Variants in CCNH observed in about 807,000 individuals in gnomAD.
The protein encoded by CCNH is cyclin-H.
CCNH carries 31 observed loss-of-function variants against 41.9 expected under a neutral mutation model. That is an observed-to-expected ratio of 0.74 (90% CI 0.56 to 1.00). The LOEUF is 1.00. CCNH is among the 50% of genes least tolerant of loss of function. CCNH has a pLI of 0.00. For synonymous variants in CCNH, 138 were observed against 136.1 expected, an observed-to-expected ratio of 1.01 and a Z score of -0.10; for missense variants, 362 against 388.4, an observed-to-expected ratio of 0.93 and a Z score of 0.57.
chr5:87,355,333 G>A (rs1384374557), intron 9 of CCNH, among the ~76,000 whole-genome samples: 5 of 152,126 alleles, frequency 3.3e-5, no homozygotes, highest in Non-Finnish European at 7.3e-5. Flanking sequence ...ACCAATTATC[G>A]TTGACTATTC....
At chr5:87,320,726 A>G (rs1756730769) in intron 9 of CCNH, among the ~76,000 whole-genome samples, 1 of 152,224 alleles carries the variant, frequency 6.6e-6, no homozygotes, top group Non-Finnish European at 1.5e-5. Context: ...ATACAGAGCA[A>G]CCATATCAGA....
intron 9 of CCNH, among the ~76,000 whole-genome samples, chr5:87,361,335 G>C (rs1760077181): frequency 6.6e-6 from 1 of 152,108 alleles, no homozygotes; most frequent in Admixed American, 6.6e-5. Context: ...TAATTTTGTA[G>C]CATTAACTTG....
intron 9 of CCNH, among the ~76,000 whole-genome samples, chr5:87,385,057 C>T (rs1043840075): frequency 1.3e-5 from 2 of 152,000 alleles, no homozygotes; most frequent in Non-Finnish European, 1.5e-5. Context: ...TTTTGTAGTA[C>T]CCTTTTCGCA....
downstream of CCNH, chr5:87,390,892 GC>G (rs753218643): frequency 2.5e-6 from 4 of 1,601,896 alleles, no homozygotes; most frequent in Admixed American, 5.0e-5. Context: ...AGCAGCCTTC[GC>G]CCCAGTGTTC....
downstream of CCNH, chr5:87,386,784 G>C: frequency 6.5e-7 from 1 of 1,541,042 alleles, no homozygotes; most frequent in Non-Finnish European, 9.0e-7. Context: ...TCAAACAGTG[G>C]TTTGTTTCTG....
intron 6 of CCNH, among the ~76,000 whole-genome samples, chr5:87,400,235 CAAAG>C (rs1213375161): frequency 6.6e-6 from 1 of 152,160 alleles, no homozygotes; most frequent in African/African-American, 2.4e-5. Context: ...ATAATGCAAA[CAAAG>C]CAGTATTTTT....
chr5:87,403,685 A>C (rs1467585297), intron 5 of CCNH, among the ~76,000 whole-genome samples: 3 of 152,102 alleles, frequency 2.0e-5, no homozygotes, highest in African/African-American at 7.2e-5. Flanking sequence ...AGCAAGCTGA[A>C]GTAGGAGGAT....
chr5:87,392,715 T>G (rs146230466), downstream of CCNH: 127 of 158,682 alleles, frequency 8.0e-4, no homozygotes, highest in Non-Finnish European at 1.2e-3. Context: ...TTACCCTGCT[T>G]CTTATATTTT....
chr5:87,369,298 T>C (rs1217088876), intron 9 of CCNH, among the ~76,000 whole-genome samples: 5 of 152,206 alleles, frequency 3.3e-5, no homozygotes, highest in African/African-American at 1.2e-4. Context: ...ACATTTGTTG[T>C]ACACAACTGT....
downstream of CCNH, chr5:87,374,421 C>T: frequency 1.1e-6 from 1 of 879,482 alleles, no homozygotes; most frequent in East Asian, 3.4e-5. Flanking sequence ...AACAAGGTAC[C>T]ATATCCAGGT....
chr5:87,362,769 AGTT>A, intron 9 of CCNH: 1 of 1,393,422 alleles, frequency 7.2e-7, no homozygotes, highest in Non-Finnish European at 1.0e-6. Flanking sequence ...TTTTGACATG[AGTT>A]ATTAGTAATT....
intron 9 of CCNH, among the ~76,000 whole-genome samples, chr5:87,338,734 T>G (rs887058462): frequency 1.3e-5 from 2 of 151,044 alleles, no homozygotes; most frequent in East Asian, 3.9e-4. Flanking sequence ...TGAAGTTATA[T>G]CAGTCTGATC....
chr5:87,311,540 G>A, the CCNH span, among the ~76,000 whole-genome samples: 1 of 152,166 alleles, frequency 6.6e-6, no homozygotes, highest in Non-Finnish European at 1.5e-5. Flanking sequence ...TGAAAAAGGT[G>A]CATAGGGCAG....
At chr5:87,366,178 T>G (rs1439194714) in intron 9 of CCNH, among the ~76,000 whole-genome samples, 1 of 152,198 alleles carries the variant, frequency 6.6e-6, no homozygotes, top group Non-Finnish European at 1.5e-5. Flanking sequence ...CTTGACAGTT[T>G]ATGGATTTAA....
At chr5:87,354,318 CTG>C (rs1759495291) in intron 9 of CCNH, among the ~76,000 whole-genome samples, 1 of 152,070 alleles carries the variant, frequency 6.6e-6, no homozygotes, top group Non-Finnish European at 1.5e-5. Context: ...TCTATTGCGA[CTG>C]TTTTTCCAAA....
chr5:87,410,435 T>C (rs1764144461), intron 2 of CCNH, among the ~76,000 whole-genome samples: 1 of 151,982 alleles, frequency 6.6e-6, no homozygotes, highest in South Asian at 2.1e-4. Context: ...ATGGACTTAA[T>C]ATTTTCAACA....
At chr5:87,348,593 T>C (rs1157219125) in intron 9 of CCNH, among the ~76,000 whole-genome samples, 1 of 152,012 alleles carries the variant, frequency 6.6e-6, no homozygotes, top group Non-Finnish European at 1.5e-5. Flanking sequence ...TGAATCTACC[T>C]TTATAAAAAG....
intron 1 of CCNH, 44 bp from the exon 2 acceptor site, chr5:87,411,390 A>T: frequency 1.9e-6 from 3 of 1,556,080 alleles, no homozygotes; most frequent in Non-Finnish European, 1.7e-6. Flanking sequence ...AATTCAATGA[A>T]TTAAACAATT....
chr5:87,406,576 G>A (rs1323970279), intron 4 of CCNH, among the ~76,000 whole-genome samples: 2 of 151,952 alleles, frequency 1.3e-5, no homozygotes, highest in African/African-American at 4.8e-5. Flanking sequence ...TCTCATTGGA[G>A]CATTTCAGAT....
Sources: allele counts gnomAD v4.1 joint callset (sites outside exome capture counted in the v4.1 genomes callset), GRCh38; gene constraint gnomAD v4.1.1; transcripts MANE v1.5; gene names NCBI Gene and HGNC (gene_info 2026-07-23, HGNC 2026-07-21).